The following ADAP1 variants were observed in gnomAD, a reference collection of about 807,000 sequenced individuals.
ADAP1 encodes the protein arf-GAP with dual PH domain-containing protein 1.
A neutral mutation model predicts 54.9 loss-of-function variants in ADAP1; 31 were observed. The ratio of observed to expected loss-of-function variants is 0.56; its 90% CI spans 0.42 to 0.76. ADAP1 has a LOEUF of 0.76. Among genes scored for constraint, ADAP1 ranks in the 30% least tolerant of loss-of-function variants. ADAP1 has a pLI of 0.00. For missense variants in ADAP1, 535 were observed against 512.4 expected (o/e 1.04, Z -0.42); for synonymous variants, 313 against 202.6 (o/e 1.55, Z -4.63).
upstream of ADAP1, among the ~76,000 whole-genome samples, chr7:955,113 G>A (rs533307636): frequency 5.5e-4 from 84 of 152,202 alleles, no homozygotes; most frequent in South Asian, 6.0e-3. Flanking sequence ...AAACGCCAGC[G>A]TCCCAGGGCA....
rs1271938392 is a variant in ADAP1, at chr7:945,045, CGTGTGTGTGTGCAG to C, written c.82+9337_82+9350del. ...GCTGAAGCTCTGCAGGGTGGGCTCA[CGTGTGTGTGTGCAG>C]GTGTGTGTGTGTGCAAGGAGATGGG... On this transcript the variant is annotated intron_variant, in intron 1 of 10. Coordinates refer to ENST00000265846, the MANE Select transcript of ADAP1 (RefSeq NM_006869.4). The surrounding 1 kb of genome is among the most constrained non-coding windows in gnomAD (Gnocchi z 4.2). Among the ~76,000 whole-genome samples the C allele has an allele frequency of 6.6e-6, 1 of 152,030 alleles. No homozygotes were observed. Among genetic ancestry groups the C allele is most frequent in the Admixed American group, 6.6e-5 (1 of 15,262 alleles).
chr7:935,524 C>T lies in ADAP1; in HGVS notation c.83-19G>A, dbSNP rs777222516. ...TCGGGATCTGCAAGGGAAAGCCGGA[C>T]GTTCACGGAGGCTCAGCCCAGGGAC... On this transcript the variant is annotated intron_variant, in intron 1 of 10. Coordinates refer to ENST00000265846, the MANE Select transcript of ADAP1 (RefSeq NM_006869.4). The T allele has an allele frequency of 6.4e-7, 1 of 1,558,574 alleles. No individual in the cohort carries two copies. Among genetic ancestry groups the T allele is most frequent in the Non-Finnish European group, 8.7e-7 (1 of 1,151,526 alleles).
chr7:943,949 T>C (rs996533874), intron 1 of ADAP1, among the ~76,000 whole-genome samples: 2 of 152,000 alleles, frequency 1.3e-5, no homozygotes, highest in African/African-American at 2.4e-5. Context: ...AGGGTCTTGC[T>C]CTGTTGCCCA....
At chr7:903,141 G>A (rs933433068) in intron 6 of ADAP1, among the ~76,000 whole-genome samples, 11 of 152,174 alleles carry the variant, frequency 7.2e-5, no homozygotes, top group African/African-American at 2.7e-4. Flanking sequence ...AGTCTGCGGA[G>A]AGTCTGCGGC....
chr7:906,692 GA>G (rs1562915184), intron 4 of ADAP1, among the ~76,000 whole-genome samples: 15 of 41,144 alleles, frequency 3.6e-4, no homozygotes, highest in East Asian at 2.7e-3. Flanking sequence ...GGACACGGGG[GA>G]CATGGACATG....
At chr7:936,874 GC>G (rs917126047) in intron 1 of ADAP1, among the ~76,000 whole-genome samples, 3 of 152,212 alleles carry the variant, frequency 2.0e-5, no homozygotes, top group Non-Finnish European at 4.4e-5. Context: ...GCGGAGGATA[GC>G]CCCCCTCCCA....
chr7:925,424 C>A (rs1752022990), intron 3 of ADAP1, among the ~76,000 whole-genome samples: 1 of 151,730 alleles, frequency 6.6e-6, no homozygotes, highest in East Asian at 1.9e-4. Context: ...GGAAGTCCGT[C>A]CTTCCTCCCC....
At chr7:904,347 G>A in intron 5 of ADAP1, 75 bp from the exon 6 acceptor site, 3 of 1,505,424 alleles carry the variant, frequency 2.0e-6, no homozygotes, top group Non-Finnish European at 2.7e-6. Context: ...GGCAGACCCT[G>A]TGGGTGCTGG....
At chr7:937,712 T>C (rs74388669) in intron 1 of ADAP1, among the ~76,000 whole-genome samples, 4,197 of 15,870 alleles carry the variant, frequency 0.26, 1,065 homozygotes, top group African/African-American at 0.62. Flanking sequence ...TTGGGGGTCA[T>C]GCCCGACCTC....
intron 3 of ADAP1, among the ~76,000 whole-genome samples, chr7:921,177 C>T (rs1846179741): frequency 6.6e-6 from 1 of 152,366 alleles, no homozygotes. Flanking sequence ...GGAGAATCTC[C>T]TCCAGGGTCC....
chr7:906,681 G>GGAAA lies in ADAP1; in HGVS notation c.389-1510_389-1509insTTTC, dbSNP rs1562915125. On this transcript the variant is annotated intron_variant, in intron 4 of 10. Transcript: ENST00000265846. The stretch of plus-strand genomic sequence containing the variant: ...GGGGCGGGAAAGGGGACATGGACAG[G>GGAAA]GGACACGGGGGACATGGACATGGGG... Among the ~76,000 whole-genome samples the GGAAA allele has an allele frequency of 1.4e-4, 12 of 85,438 alleles. 1 individual carries two copies. Among genetic ancestry groups the GGAAA allele is most frequent in the African/African-American group, 2.4e-4 (4 of 16,666 alleles). 56.1% of individuals were successfully genotyped at this position (85,438 alleles called of 152,430 possible). A position where few individuals can be genotyped will look rare whatever the true frequency, so the allele number is the denominator to read the frequency against.
At chr7:899,636 A>G in intron 8 of ADAP1, 146 bp from the exon 9 acceptor site, 1 of 882,460 alleles carries the variant, frequency 1.1e-6, no homozygotes, top group Non-Finnish European at 1.7e-6. Context: ...GCCACGCCCC[A>G]CGAGGCCTCC....
Position 920,976 on chromosome 7 carries a change from G to T in ADAP1, c.306-926C>A. 1.0e-6 allele frequency: 1 copy of T among 1,004,914 alleles called. No homozygotes were observed. Among genetic ancestry groups the T allele is most frequent in the Non-Finnish European group, 1.5e-6 (1 of 678,974 alleles). 62.2% of individuals were successfully genotyped at this position (1,004,914 alleles called of 1,614,324 possible). A position where few individuals can be genotyped will look rare whatever the true frequency, so the allele number is the denominator to read the frequency against. On this transcript the variant is annotated intron_variant, in intron 3 of 10. Transcript: ENST00000265846. This position sits in a 1 kb window ranked among gnomAD's most constrained non-coding sequence, Gnocchi z 4.5. Reference sequence around the variant, plus strand: ...GACTGGGCGGGAATCCTCGCCCACAGGATCTGATGGGTGATGGGTCCCAGC... The same window carrying T: ...GACTGGGCGGGAATCCTCGCCCACATGATCTGATGGGTGATGGGTCCCAGC...
intron 1 of ADAP1, among the ~76,000 whole-genome samples, chr7:936,299 C>T (rs762657592): frequency 2.6e-5 from 4 of 152,162 alleles, no homozygotes; most frequent in Non-Finnish European, 4.4e-5. Flanking sequence ...CTCCCGGGTT[C>T]AAGCGATTCT....
intron 4 of ADAP1, among the ~76,000 whole-genome samples, chr7:908,755 C>T (rs1845584259): frequency 6.6e-6 from 1 of 152,212 alleles, no homozygotes; most frequent in Admixed American, 6.5e-5. Context: ...AGCAGCGGGC[C>T]CAGCGGCGCT....
At chr7:936,076 G>A (rs1050489749) in intron 1 of ADAP1, among the ~76,000 whole-genome samples, 4 of 152,220 alleles carry the variant, frequency 2.6e-5, no homozygotes, top group Admixed American at 6.5e-5. Flanking sequence ...GTGTGACAGC[G>A]GCGCTGTGGC....
At chr7:940,028 A>G (rs963127963) in intron 1 of ADAP1, among the ~76,000 whole-genome samples, 1 of 152,096 alleles carries the variant, frequency 6.6e-6, no homozygotes, top group African/African-American at 2.4e-5. Context: ...AACTGGCACA[A>G]GGTCCCCCGG....
intron 6 of ADAP1, among the ~76,000 whole-genome samples, chr7:903,672 C>A (rs1844935002): frequency 6.6e-6 from 1 of 151,990 alleles, no homozygotes; most frequent in South Asian, 2.1e-4. Context: ...CTCCCCGCCG[C>A]CACACCAAGG....
intron 1 of ADAP1, among the ~76,000 whole-genome samples, chr7:948,398 C>T (rs533956160): frequency 1.3e-5 from 2 of 152,146 alleles, no homozygotes; most frequent in Admixed American, 6.5e-5. Context: ...GGCTTCCCTC[C>T]CCGCCGGCCC....
Sources: gnomAD v4.1 joint callset for allele counts (sites outside exome capture counted in the v4.1 genomes callset) on GRCh38, gnomAD v4.1.1 for gene constraint, Gnocchi (gnomAD v3.1) non-coding constraint, MANE v1.5 for transcripts, NCBI Gene and HGNC (gene_info 2026-07-23, HGNC 2026-07-21) for gene names.